The following GFRA2 variants were observed in gnomAD, a reference collection of about 807,000 sequenced individuals.
The protein encoded by GFRA2 is GDNF family receptor alpha 2, also known as GDNF family receptor alpha-2.
A neutral mutation model predicts 48.3 loss-of-function variants in GFRA2; 17 were observed. The ratio of observed to expected loss-of-function variants is 0.35; its 90% CI spans 0.24 to 0.53. GFRA2 has a LOEUF of 0.53. GFRA2 is among the 20% of genes least tolerant of loss of function. GFRA2 has a pLI of 0.93. For synonymous variants in GFRA2, 305 were observed against 257.2 expected, an observed-to-expected ratio of 1.19 and a Z score of -1.78; for missense variants, 660 against 637.3, an observed-to-expected ratio of 1.04 and a Z score of -0.38.
At chr8:21,730,684 G>T (rs1804143878) in intron 4 of GFRA2, among the ~76,000 whole-genome samples, 1 of 152,060 alleles carries the variant, frequency 6.6e-6, no homozygotes, top group South Asian at 2.1e-4. Context: ...GTCCACACAA[G>T]CTCACTCAGA....
chr8:21,713,471 T>C (rs1262004329), intron 4 of GFRA2, among the ~76,000 whole-genome samples: 6 of 151,974 alleles, frequency 3.9e-5, no homozygotes, highest in African/African-American at 1.4e-4. Context: ...GCTGGGATTA[T>C]AGGTGTGAGC....
chr8:21,740,992 T>C (rs546562561), intron 4 of GFRA2, among the ~76,000 whole-genome samples: 1 of 152,328 alleles, frequency 6.6e-6, no homozygotes, highest in African/African-American at 2.4e-5. Flanking sequence ...GTGGCCATCA[T>C]CTCTGATCCA....
At chr8:21,723,653 C>T (rs1412702038) in intron 4 of GFRA2, among the ~76,000 whole-genome samples, 1 of 152,082 alleles carries the variant, frequency 6.6e-6, no homozygotes, top group Non-Finnish European at 1.5e-5. Flanking sequence ...AAGGAACAGC[C>T]CCCCTCCACC....
chr8:21,734,942 C>A (rs1804376883), intron 4 of GFRA2, among the ~76,000 whole-genome samples: 2 of 152,250 alleles, frequency 1.3e-5, no homozygotes, highest in Non-Finnish European at 2.9e-5. Flanking sequence ...CCTCTGCTCA[C>A]TGAGAACAGA....
chr8:21,788,801 CG>C lies in GFRA2; in HGVS notation c.-643del. ...TCCAGTGACCGTGTGTCTCTGCGTG[CG>C]TGTGTCTTTCTCTCTCCTCTCTCTC... On this transcript the variant is annotated 5_prime_UTR_variant, in exon 1 of 9. Coordinates refer to ENST00000524240, the MANE Select transcript of GFRA2 (RefSeq NM_001495.5). The C allele has an allele frequency of 1.0e-6, 1 of 985,342 alleles. No homozygotes were observed. Among genetic ancestry groups the C allele is most frequent in the Non-Finnish European group, 1.2e-6 (1 of 829,886 alleles). The allele number at this position is 985,342 out of a possible 1,614,324, so 61.0% of individuals were successfully genotyped here.
At chr8:21,749,370 G>A (rs532517127) in intron 4 of GFRA2, among the ~76,000 whole-genome samples, 1 of 152,036 alleles carries the variant, frequency 6.6e-6, no homozygotes, top group Non-Finnish European at 1.5e-5. Context: ...TGTGACGTGG[G>A]TATTTTTACT....
At chr8:21,799,300 C>T (rs971035940) in intron 2 of GFRA2, among the ~76,000 whole-genome samples, 2 of 151,442 alleles carry the variant, frequency 1.3e-5, no homozygotes, top group African/African-American at 2.4e-5. Flanking sequence ...TCACTGTAAG[C>T]TCCGCCTCCT....
chr8:21,759,477 A>AGAAGGAAAGAAGGAAG, intron 3 of GFRA2, among the ~76,000 whole-genome samples: 1 of 108,384 alleles, frequency 9.2e-6, no homozygotes, highest in Non-Finnish European at 1.9e-5. Flanking sequence ...AGGGAGGGAA[A>AGAAGGAAAGAAGGAAG]GAAGGAAAGA....
intron 3 of GFRA2, among the ~76,000 whole-genome samples, chr8:21,773,724 C>T (rs1453670551): frequency 6.6e-6 from 1 of 152,144 alleles, no homozygotes; most frequent in Admixed American, 6.5e-5. Flanking sequence ...AAACATGGTC[C>T]TAGAGAGTTC....
chr8:21,696,755 G>A (rs138542998), intron 7 of GFRA2, among the ~76,000 whole-genome samples: 20 of 152,260 alleles, frequency 1.3e-4, no homozygotes, highest in African/African-American at 4.8e-4. Context: ...ATAGGATAGA[G>A]TGGAGGGGAC....
At chr8:21,728,914 AG>A (rs1344205249) in intron 4 of GFRA2, among the ~76,000 whole-genome samples, 1 of 152,184 alleles carries the variant, frequency 6.6e-6, no homozygotes, top group Admixed American at 6.5e-5. Context: ...TACTGGATGG[AG>A]GGGGTAGTTC....
At chr8:21,769,785 C>T (rs1806359693) in intron 3 of GFRA2, among the ~76,000 whole-genome samples, 1 of 152,170 alleles carries the variant, frequency 6.6e-6, no homozygotes, top group Non-Finnish European at 1.5e-5. Flanking sequence ...GCTGTGGCAC[C>T]AGGGGCCGGT....
At chr8:21,696,669 C>T (rs1039403915) in intron 7 of GFRA2, among the ~76,000 whole-genome samples, 4 of 152,126 alleles carry the variant, frequency 2.6e-5, no homozygotes, top group East Asian at 1.9e-4. Context: ...TAAAGGCCGA[C>T]GCTCCAGAGA....
intron 3 of GFRA2, among the ~76,000 whole-genome samples, chr8:21,762,673 T>C (rs896964303): frequency 2.0e-5 from 3 of 152,236 alleles, no homozygotes; most frequent in Admixed American, 1.3e-4. Context: ...CTTAAATTTC[T>C]TTCTCCAAGT....
chr8:21,699,583 C>T (rs1255684608), intron 7 of GFRA2, among the ~76,000 whole-genome samples: 4 of 152,182 alleles, frequency 2.6e-5, no homozygotes, highest in East Asian at 1.9e-4. Context: ...CACCAACCAT[C>T]GCCCGTCTCC....
chr8:21,747,472 G>T (rs1330863429), intron 4 of GFRA2, among the ~76,000 whole-genome samples: 1 of 152,064 alleles, frequency 6.6e-6, no homozygotes, highest in Non-Finnish European at 1.5e-5. Flanking sequence ...ATTTTTTTAA[G>T]TAAGCAAAAG....
intron 3 of GFRA2, among the ~76,000 whole-genome samples, chr8:21,765,899 T>C (rs1027311110): frequency 1.3e-5 from 2 of 152,076 alleles, no homozygotes; most frequent in Non-Finnish European, 2.9e-5. Flanking sequence ...CCAAAATATA[T>C]TCCCAGCCCA....
At chr8:21,710,121 C>T (rs756594223) in intron 4 of GFRA2, among the ~76,000 whole-genome samples, 7 of 152,204 alleles carry the variant, frequency 4.6e-5, no homozygotes, top group African/African-American at 1.4e-4. Flanking sequence ...CGCATGGCCA[C>T]GCTCCATCTC....
At chr8:21,802,880 A>C (rs113297246) in intron 2 of GFRA2, among the ~76,000 whole-genome samples, 2,476 of 152,354 alleles carry the variant, frequency 0.016, 30 homozygotes, top group Non-Finnish European at 0.026. Context: ...GTACTTCCAT[A>C]TACATAGTTG....
Sources: allele counts gnomAD v4.1 joint callset (sites outside exome capture counted in the v4.1 genomes callset), GRCh38; gene constraint gnomAD v4.1.1; transcripts MANE v1.5; gene names NCBI Gene and HGNC (gene_info 2026-07-23, HGNC 2026-07-21).